The following NTM variants were observed in gnomAD, a reference collection of about 807,000 sequenced individuals.
NTM encodes the protein IgLON family member 2.
A neutral mutation model predicts 42.1 loss-of-function variants in NTM; 13 were observed. That is an observed-to-expected ratio of 0.31 (90% CI 0.20 to 0.49). The LOEUF is 0.49. Among genes scored for constraint, NTM ranks in the 20% least tolerant of loss-of-function variants. NTM has a pLI of 0.99. For missense variants in NTM, 373 were observed against 452.8 expected (o/e 0.82, Z 1.60); for synonymous variants, 187 against 179.2 (o/e 1.04, Z -0.35).
At chr11:131,638,563 C>CAAAAAAAAAAAAAAAAA (rs58374119) in intron 1 of NTM, among the ~76,000 whole-genome samples, 1 of 53,330 alleles carries the variant, frequency 1.9e-5, no homozygotes, top group Non-Finnish European at 3.4e-5. Flanking sequence ...GAGACTCCTT[C>CAAAAAAAAAAAAAAAAA]AAAAAAAAAA....
chr11:131,580,402 C>T (rs2058301436), intron 1 of NTM, among the ~76,000 whole-genome samples: 1 of 152,048 alleles, frequency 6.6e-6, no homozygotes, highest in Non-Finnish European at 1.5e-5. Flanking sequence ...GCGATTTGGC[C>T]CTCTCCCACC....
chr11:132,299,614 A>G (rs2094764834), intron 4 of NTM, among the ~76,000 whole-genome samples: 1 of 152,230 alleles, frequency 6.6e-6, no homozygotes, highest in Admixed American at 6.5e-5. Flanking sequence ...ACAAGCGGCC[A>G]GCATGGGCCT....
At chr11:131,580,691 C>T (rs537471916) in intron 1 of NTM, among the ~76,000 whole-genome samples, 48 of 152,260 alleles carry the variant, frequency 3.2e-4, no homozygotes, top group Non-Finnish European at 5.3e-4. Context: ...ATCTCAAAGC[C>T]GACAGTGGGT....
chr11:132,268,344 C>CT (rs1213669972), intron 4 of NTM, among the ~76,000 whole-genome samples: 2 of 152,194 alleles, frequency 1.3e-5, no homozygotes, highest in Admixed American at 1.3e-4. Flanking sequence ...ATTTCAATCT[C>CT]TATCACAACC....
intron 1 of NTM, among the ~76,000 whole-genome samples, chr11:131,547,079 T>C (rs1023993560): frequency 4.6e-5 from 7 of 151,840 alleles, no homozygotes; most frequent in African/African-American, 1.7e-4. Flanking sequence ...TCCATGCACA[T>C]ATGTGACTTT....
At chr11:132,296,049 C>T (rs2094597505) in intron 4 of NTM, among the ~76,000 whole-genome samples, 1 of 152,096 alleles carries the variant, frequency 6.6e-6, no homozygotes, top group African/African-American at 2.4e-5. Flanking sequence ...AGAGAGCAAG[C>T]AATGTAACTC....
At chr11:131,883,116 C>T (rs770762887) in intron 1 of NTM, among the ~76,000 whole-genome samples, 11 of 152,154 alleles carry the variant, frequency 7.2e-5, no homozygotes, top group East Asian at 1.9e-4. Flanking sequence ...TGACTCAAAC[C>T]GTCCCCATGA....
intron 1 of NTM, among the ~76,000 whole-genome samples, chr11:131,528,324 T>C (rs1316766203): frequency 1.3e-5 from 2 of 151,430 alleles, no homozygotes; most frequent in East Asian, 3.9e-4. Flanking sequence ...TAAAAATAAC[T>C]GGCATTTATT....
chr11:132,131,962 G>C lies in NTM; in HGVS notation c.168-14320G>C, dbSNP rs1237209467. Among the ~76,000 whole-genome samples the C allele has an allele frequency of 3.9e-5, 6 of 152,282 alleles. No individual in the cohort carries two copies. In the East Asian group the frequency reaches 7.7e-4, roughly 20 times the overall value. The stretch of plus-strand genomic sequence containing the variant: ...AAATAACTAGCTCTTCTACAGCCTG[G>C]CTAGAGTCCCTTCCTACAGAGACCA... On this transcript the variant is annotated intron_variant, in intron 2 of 8. Coordinates refer to ENST00000683400, the MANE Select transcript of NTM (RefSeq NM_001352005.2).
chr11:132,234,049 A>G lies in NTM; in HGVS notation c.526+21902A>G, dbSNP rs1031770284. Among the ~76,000 whole-genome samples, 3 of 152,284 alleles carry G rather than the reference A, an allele frequency of 2.0e-5. No individual in the cohort carries two copies. The East Asian group carries it at 5.8e-4, about 29-fold the overall frequency. On this transcript the variant is annotated intron_variant, in intron 4 of 8. Transcript: ENST00000683400. ...TTTCTTGCCTCGTCCCTGACTAGTC[A>G]TCTCTGCCTCCATCTTCATTATGCA...
At chr11:131,589,912 A>C (rs1305950963) in intron 1 of NTM, among the ~76,000 whole-genome samples, 1 of 152,136 alleles carries the variant, frequency 6.6e-6, no homozygotes, top group Non-Finnish European at 1.5e-5. Context: ...AGTAGCAAAG[A>C]ATATTTCTTC....
intron 1 of NTM, among the ~76,000 whole-genome samples, chr11:131,872,607 G>A (rs2047900070): frequency 6.6e-6 from 1 of 152,150 alleles, no homozygotes; most frequent in Non-Finnish European, 1.5e-5. Flanking sequence ...ATGTGTGCAT[G>A]TATAGTTGAA....
chr11:131,744,566 G>A (rs954619882), intron 1 of NTM, among the ~76,000 whole-genome samples: 2 of 152,064 alleles, frequency 1.3e-5, no homozygotes, highest in Non-Finnish European at 2.9e-5. Flanking sequence ...AGAGGTAAAA[G>A]GAAGAAAGAA....
At chr11:131,965,014 G>A (rs1185029566) in intron 2 of NTM, among the ~76,000 whole-genome samples, 1 of 152,088 alleles carries the variant, frequency 6.6e-6, no homozygotes, top group Admixed American at 6.6e-5. Flanking sequence ...CAAGAGGAGA[G>A]GATGGGAGGA....
chr11:131,816,092 T>C (rs1225920732), intron 1 of NTM, among the ~76,000 whole-genome samples: 1 of 152,240 alleles, frequency 6.6e-6, no homozygotes, highest in Non-Finnish European at 1.5e-5. Flanking sequence ...TGAGGTGCTC[T>C]CATTAGTTGC....
In NTM at chr11:131,893,077, A is replaced by T. The variant is rs144073243; in HGVS notation, c.83-18487A>T. ...GAAAAACCAAGAACTTTATAGGAGA[A>T]CAGCATATTCAGCCCGAATGTAGGA... On this transcript the variant is annotated intron_variant, in intron 1 of 8. Transcript: ENST00000683400. 8.3e-3 allele frequency among the ~76,000 whole-genome samples: 1,265 copies of T among 152,338 alleles called. 21 individuals are homozygous for T. Among genetic ancestry groups the T allele is most frequent in the African/African-American group, 0.029 (1,200 of 41,578 alleles).
At chr11:131,511,224 A>T (rs2048196404) in intron 1 of NTM, among the ~76,000 whole-genome samples, 1 of 152,174 alleles carries the variant, frequency 6.6e-6, no homozygotes, top group African/African-American at 2.4e-5. Context: ...GGTGGTTGGT[A>T]CACACGGGTT....
At chr11:131,680,978 C>A in intron 1 of NTM, among the ~76,000 whole-genome samples, 1 of 20,526 alleles carries the variant, frequency 4.9e-5, no homozygotes, top group Non-Finnish European at 1.1e-4. Flanking sequence ...TGTATGTCTC[C>A]CTGTGTGTGT....
chr11:131,780,975 C>T (rs535926516), intron 1 of NTM, among the ~76,000 whole-genome samples: 45 of 152,042 alleles, frequency 3.0e-4, no homozygotes, highest in African/African-American at 9.4e-4. Flanking sequence ...TAAAATGTAA[C>T]GGAGGAAACA....
Sources: gnomAD v4.1 joint callset for allele counts (sites outside exome capture counted in the v4.1 genomes callset) on GRCh38, gnomAD v4.1.1 for gene constraint, MANE v1.5 for transcripts, NCBI Gene and HGNC (gene_info 2026-07-23, HGNC 2026-07-21) for gene names.